HMGCLL1: variants seen among roughly 807,000 people sequenced by gnomAD.
The protein encoded by HMGCLL1 is 3-hydroxymethyl-3-methylglutaryl-CoA lyase, cytoplasmic.
A neutral mutation model predicts 39.1 loss-of-function variants in HMGCLL1; 36 were observed. The observed-to-expected ratio is 0.92, with a 90% CI of 0.71 to 1.22. The LOEUF (loss-of-function observed/expected upper bound fraction) is 1.22. Ranked by LOEUF, HMGCLL1 falls within the 50% of genes most tolerant of loss-of-function variation. The pLI, the probability that HMGCLL1 is intolerant of heterozygous loss-of-function variation, is 0.00. For synonymous variants in HMGCLL1, 149 were observed against 144.0 expected, an observed-to-expected ratio of 1.03 and a Z score of -0.25; for missense variants, 451 against 416.5, an observed-to-expected ratio of 1.08 and a Z score of -0.72.
chr6:55,668,006 A>G, the HMGCLL1 span, among the ~76,000 whole-genome samples: 1 of 151,784 alleles, frequency 6.6e-6, no homozygotes, highest in African/African-American at 2.4e-5. Context: ...TTCCTCCATG[A>G]AGTAGAGCCC....
chr6:55,516,561 G>C lies in HMGCLL1; in HGVS notation c.340C>G (p.Pro114Ala). 1 of 1,602,950 alleles carries C rather than the reference G, an allele frequency of 6.2e-7. No individual in the cohort carries two copies. Among genetic ancestry groups the C allele is most frequent in the South Asian group, 1.1e-5 (1 of 89,264 alleles). ...TEVMKGIHQYPGVRYPVLTPN... is the reference protein window; with the variant it reads ...TEVMKGIHQYAGVRYPVLTPN... Reference sequence around the variant, plus strand: ...GTAAGGACAGGATAGCGAACTCCTGGATATTGATGAATGCCTTTCATTACT... The same window carrying C: ...GTAAGGACAGGATAGCGAACTCCTGCATATTGATGAATGCCTTTCATTACT... Residue 114 changes from proline (P) to alanine (A), a missense_variant, in exon 4 of 9, where the codon CCA (proline) becomes GCA (alanine). Pro to Ala is a conservative substitution (Grantham distance 27). Transcript: ENST00000274901.
intron 1 of HMGCLL1, among the ~76,000 whole-genome samples, chr6:55,567,805 C>A (rs1771288341): frequency 6.6e-6 from 1 of 152,116 alleles, no homozygotes. Flanking sequence ...TACAGCCCTG[C>A]TAGCGTCGGA....
chr6:55,589,630 C>T, the HMGCLL1 span, among the ~76,000 whole-genome samples: 1 of 152,162 alleles, frequency 6.6e-6, no homozygotes, highest in East Asian at 1.9e-4. Flanking sequence ...TTGCAGATCA[C>T]ATGATTGTAT....
chr6:55,576,255 T>A (rs77420904), intron 1 of HMGCLL1, among the ~76,000 whole-genome samples: 3,727 of 152,244 alleles, frequency 0.024, 154 homozygotes, highest in African/African-American at 0.086. Context: ...GAAGATTAAT[T>A]AGAAGTTAAT....
chr6:55,586,044 G>A, the HMGCLL1 span, among the ~76,000 whole-genome samples: 3 of 152,054 alleles, frequency 2.0e-5, no homozygotes, highest in Non-Finnish European at 2.9e-5. Flanking sequence ...AATAATTAAT[G>A]CTTAATAAAT....
At chr6:55,584,767 A>G in the HMGCLL1 span, among the ~76,000 whole-genome samples, 1 of 152,090 alleles carries the variant, frequency 6.6e-6, no homozygotes, top group Non-Finnish European at 1.5e-5. Flanking sequence ...TGAAGTTCTT[A>G]TAGTAACAAA....
chr6:55,637,855 T>A, the HMGCLL1 span, among the ~76,000 whole-genome samples: 4 of 152,060 alleles, frequency 2.6e-5, no homozygotes, highest in Admixed American at 2.0e-4. Flanking sequence ...GAAGACTAAA[T>A]CATTGTCACA....
chr6:55,501,519 T>C (rs551039829), intron 5 of HMGCLL1, among the ~76,000 whole-genome samples: 8 of 151,956 alleles, frequency 5.3e-5, no homozygotes, highest in African/African-American at 1.7e-4. Flanking sequence ...AAAAGGCCTC[T>C]ACCGTCATGA....
chr6:55,535,567 T>C (rs1768968807), intron 3 of HMGCLL1, among the ~76,000 whole-genome samples: 3 of 152,144 alleles, frequency 2.0e-5, no homozygotes. Context: ...TTGAGTATTT[T>C]AAGTCAGGCT....
At chr6:55,477,432 T>TATATTACTTATACATATTAC (rs1765499678) in intron 7 of HMGCLL1, among the ~76,000 whole-genome samples, 1 of 61,024 alleles carries the variant, frequency 1.6e-5, no homozygotes, top group African/African-American at 6.9e-5. Context: ...TAATATATAT[T>TATATTACTTATACATATTAC]ATATATTATA....
upstream of HMGCLL1, among the ~76,000 whole-genome samples, chr6:55,584,016 A>G (rs1772028641): frequency 6.6e-6 from 1 of 152,126 alleles, no homozygotes; most frequent in South Asian, 2.1e-4. Flanking sequence ...GGCCCAGTTA[A>G]CTACCATACT....
In HMGCLL1 at chr6:55,542,129, C is replaced by T; in HGVS notation, c.120G>A (p.Gln40=). 6.2e-7 allele frequency: 1 copy of T among 1,606,156 alleles called. No homozygotes were observed. Among genetic ancestry groups the T allele is most frequent in the Non-Finnish European group, 8.5e-7 (1 of 1,174,506 alleles). ...TAACAAACTCAGGGAGTCCAGATAA[C>T]TGGGATGTTTCCTGAAATGCAAAAT... The part of the protein sequence containing the change: ...GALDPAQETS[Q]LSGLPEFVKI... Residue 40 remains glutamine (Q), a synonymous_variant, in exon 2 of 9, where the codon CAG becomes CAA. Coordinates refer to ENST00000274901, the MANE Select transcript of HMGCLL1 (RefSeq NM_001042406.2).
chr6:55,653,533 C>G, the HMGCLL1 span, among the ~76,000 whole-genome samples: 1 of 115,936 alleles, frequency 8.6e-6, no homozygotes, highest in Non-Finnish European at 1.9e-5. Flanking sequence ...TATCATAAAC[C>G]AGGACTAGGA....
At chr6:55,574,125 A>G (rs950565916) in intron 1 of HMGCLL1, among the ~76,000 whole-genome samples, 6 of 147,864 alleles carry the variant, frequency 4.1e-5, no homozygotes, top group African/African-American at 8.0e-5. Flanking sequence ...GTGTGTGTGT[A>G]TATATATACA....
At chr6:55,488,466 G>C (rs1180264376) in intron 7 of HMGCLL1, among the ~76,000 whole-genome samples, 1 of 151,992 alleles carries the variant, frequency 6.6e-6, no homozygotes, top group Non-Finnish European at 1.5e-5. Context: ...AAATTAACCA[G>C]TTTGCCTAAC....
the HMGCLL1 span, among the ~76,000 whole-genome samples, chr6:55,652,533 A>G: frequency 6.6e-6 from 1 of 152,144 alleles, no homozygotes; most frequent in East Asian, 1.9e-4. Context: ...TCCATGAGAT[A>G]GAAAACAGGT....
At chr6:55,621,827 C>G in the HMGCLL1 span, among the ~76,000 whole-genome samples, 5 of 152,058 alleles carry the variant, frequency 3.3e-5, no homozygotes, top group Non-Finnish European at 2.9e-5. Flanking sequence ...ATCTTTTACC[C>G]TTTCAAGATA....
intron 7 of HMGCLL1, among the ~76,000 whole-genome samples, chr6:55,476,223 C>T (rs57482011): frequency 0.076 from 11,492 of 151,494 alleles, 1,410 homozygotes; most frequent in African/African-American, 0.26. Flanking sequence ...TCTCTGTTTA[C>T]TTTTATTTAT....
chr6:55,562,300 T>G (rs1461335944), intron 1 of HMGCLL1, among the ~76,000 whole-genome samples: 3 of 152,190 alleles, frequency 2.0e-5, no homozygotes, highest in Non-Finnish European at 4.4e-5. Context: ...TGTGTTGGGA[T>G]AATTTAGTTG....
Sources: allele counts gnomAD v4.1 joint callset (sites outside exome capture counted in the v4.1 genomes callset), GRCh38; gene constraint gnomAD v4.1.1; transcripts MANE v1.5; gene names NCBI Gene and HGNC (gene_info 2026-07-23, HGNC 2026-07-21).